NLN: variants seen among roughly 807,000 people sequenced by gnomAD.
NLN encodes neurolysin, mitochondrial.
NLN carries 64 observed loss-of-function variants against 79.9 expected under a neutral mutation model. The ratio of observed to expected loss-of-function variants is 0.80; its 90% confidence interval spans 0.65 to 0.99. NLN has a LOEUF of 0.99. NLN is among the 50% of genes least tolerant of loss of function. The probability of loss-of-function intolerance (pLI) is 0.00; values close to 1 mark genes in which losing one functional copy is unlikely to be tolerated. For missense variants in NLN, 835 were observed against 858.7 expected (o/e 0.97, Z 0.34); for synonymous variants, 267 against 296.6 (o/e 0.90, Z 1.02).
intron 12 of NLN, chr5:65,819,011 C>T (rs1760734425): frequency 6.6e-6 from 1 of 152,156 alleles, no homozygotes; most frequent in African/African-American, 2.4e-5. Flanking sequence ...TAAAATATTA[C>T]CTGAAAGGGT....
At position 65,823,628 on chromosome 5, in the gene NLN, AG is replaced by A. The variant is rs1457213960; in HGVS notation, c.*714del. The A allele has an allele frequency of 2.6e-4, 39 of 152,182 alleles. No individual in the cohort carries two copies. Among genetic ancestry groups the A allele is most frequent in the African/African-American group, 9.4e-4 (39 of 41,444 alleles). The allele number at this position is 152,182 out of a possible 1,614,324, so 9.4% of individuals were successfully genotyped here. A position where few individuals can be genotyped will look rare whatever the true frequency, so the allele number is the denominator to read the frequency against. ...TGTATCTTGTATTAGAGGATTTCGT[AG>A]CTTTTATTAGAGGCTCATTTCCACC... is the stretch of plus-strand genomic sequence containing the variant. On this transcript the variant is annotated 3_prime_UTR_variant, in exon 13 of 13. Coordinates refer to ENST00000380985, the MANE Select transcript of NLN (RefSeq NM_020726.5).
chr5:65,784,939 G>A (rs1461875129), intron 6 of NLN, among the ~76,000 whole-genome samples: 1 of 152,040 alleles, frequency 6.6e-6, no homozygotes, highest in Admixed American at 6.6e-5. Flanking sequence ...TTGTCTTTTT[G>A]TATCTGGCTT....
At chr5:65,791,417 G>A (rs1189183767) in intron 8 of NLN, among the ~76,000 whole-genome samples, 1 of 152,146 alleles carries the variant, frequency 6.6e-6, no homozygotes, top group African/African-American at 2.4e-5. Flanking sequence ...AATTAGCTGG[G>A]TGTGGTGGCA....
At position 65,828,068 on chromosome 5, in the gene NLN, T is replaced by G. The variant is rs1311125541; in HGVS notation, c.*5153T>G. ...AAAATATTTCAATGTGGAGACAAGC[T>G]CAAAATGAAATTAGACACATTCCAT... On this transcript the variant is annotated 3_prime_UTR_variant, in exon 13 of 13. Transcript: ENST00000380985. The G allele has an allele frequency of 6.6e-6, 1 of 152,150 alleles. No individual in the cohort carries two copies. The highest frequency in any genetic ancestry group is 1.5e-5 in the Non-Finnish European group (1 of 68,038). The allele number at this position is 152,150 out of a possible 1,614,324, so 9.4% of individuals were successfully genotyped here. A position where few individuals can be genotyped will look rare whatever the true frequency, so the allele number is the denominator to read the frequency against.
At chr5:65,730,203 T>A (rs921070175) in intron 1 of NLN, among the ~76,000 whole-genome samples, 1 of 152,156 alleles carries the variant, frequency 6.6e-6, no homozygotes, top group African/African-American at 2.4e-5. Flanking sequence ...GTAAGTTAGA[T>A]GGGAAAATGT....
intron 12 of NLN, among the ~76,000 whole-genome samples, chr5:65,814,510 A>G (rs756270732): frequency 4.6e-5 from 7 of 152,162 alleles, no homozygotes; most frequent in Non-Finnish European, 7.3e-5. Context: ...ACATAACTGC[A>G]TGTTCAAGAA....
chr5:65,771,962 A>AT (rs1262212456), intron 3 of NLN, among the ~76,000 whole-genome samples: 3 of 112,022 alleles, frequency 2.7e-5, no homozygotes, highest in Non-Finnish European at 5.9e-5. Flanking sequence ...TAAAACAATG[A>AT]CAAAAAAAAA....
chr5:65,738,011 C>T (rs1354977370), intron 1 of NLN, among the ~76,000 whole-genome samples: 6 of 151,880 alleles, frequency 4.0e-5, no homozygotes, highest in Non-Finnish European at 8.8e-5. Flanking sequence ...GCCTGTAGTC[C>T]CAGCTACTTG....
chr5:65,809,594 TG>T lies in NLN; in HGVS notation c.1608del (p.Trp537GlyfsTer38). 1 of 1,613,942 alleles carries T rather than the reference TG, an allele frequency of 6.2e-7. No individual in the cohort carries two copies. The highest frequency in any genetic ancestry group is 8.5e-7 in the Non-Finnish European group (1 of 1,179,928). On this transcript the variant is annotated frameshift_variant, in exon 10 of 13. Transcript: ENST00000380985. LOFTEE classifies it high-confidence loss of function. ...EVPSQMLENWVWDVDSLRRLS... is the reference protein window; with the variant it reads ...EVPSQMLENWXWDVDSLRRLS... Reference sequence around the variant, plus strand: ...CCATCGCAAATGCTTGAAAATTGGGTGTGGGACGTCGATTCCCTCCGAAGAT... The same window carrying T: ...CCATCGCAAATGCTTGAAAATTGGGTTGGGACGTCGATTCCCTCCGAAGAT...
At chr5:65,725,394 A>T (rs1758446679) in intron 1 of NLN, among the ~76,000 whole-genome samples, 1 of 152,248 alleles carries the variant, frequency 6.6e-6, no homozygotes, top group Non-Finnish European at 1.5e-5. Context: ...CTTGTTTTAC[A>T]CTGTTACATT....
rs10078196 is a variant in NLN, at chr5:65,828,484, A to G, written c.*5569A>G. On this transcript the variant is annotated 3_prime_UTR_variant, in exon 13 of 13. Transcript: ENST00000380985. ...GTCTGGAGATAATTCAGAAATACAGATGATAATTGTTTTCAAATTCTTGAA... is the reference window on the plus strand; with the variant it reads ...GTCTGGAGATAATTCAGAAATACAGGTGATAATTGTTTTCAAATTCTTGAA... 2.0e-4 allele frequency: 30 copies of G among 152,374 alleles called. No homozygotes were observed. The highest frequency in any genetic ancestry group is 2.1e-4 in the Non-Finnish European group (14 of 68,044). 9.4% of individuals were successfully genotyped at this position (152,374 alleles called of 1,614,324 possible). A position where few individuals can be genotyped will look rare whatever the true frequency, so the allele number is the denominator to read the frequency against.
At chr5:65,807,033 C>T (rs1465081700) in intron 9 of NLN, among the ~76,000 whole-genome samples, 1 of 151,830 alleles carries the variant, frequency 6.6e-6, no homozygotes, top group African/African-American at 2.4e-5. Context: ...AAAAAGTAGC[C>T]GGGCATGATG....
At chr5:65,777,200 C>T (rs770870119) in intron 3 of NLN, among the ~76,000 whole-genome samples, 8 of 152,182 alleles carry the variant, frequency 5.3e-5, no homozygotes, top group Admixed American at 2.0e-4. Context: ...TGATTCAAGG[C>T]AAGGAAATTC....
chr5:65,722,675 T>G (rs1579896842), intron 1 of NLN: 1 of 502,028 alleles, frequency 2.0e-6, no homozygotes, highest in Non-Finnish European at 3.5e-6. Flanking sequence ...GCGAGGCTGG[T>G]CACAGACGCG....
intron 9 of NLN, among the ~76,000 whole-genome samples, chr5:65,806,940 G>C (rs939502001): frequency 3.3e-5 from 5 of 152,146 alleles, no homozygotes; most frequent in Non-Finnish European, 7.3e-5. Flanking sequence ...ACTCTGGGAG[G>C]CCGAGGTGGG....
chr5:65,793,111 A>G (rs947418193), intron 9 of NLN: 2 of 282,578 alleles, frequency 7.1e-6, no homozygotes, highest in African/African-American at 2.3e-5. Flanking sequence ...TCAAATTAAA[A>G]TCATAGATAA....
At position 65,789,371 on chromosome 5, in the gene NLN, T is replaced by C. The variant is rs56358443; in HGVS notation, c.1325+887T>C. Among the ~76,000 whole-genome samples the C allele has an allele frequency of 6.1e-3, 931 of 152,368 alleles. 7 individuals are homozygous for C. Among genetic ancestry groups the C allele is most frequent in the African/African-American group, 0.021 (866 of 41,590 alleles). ...GTAAGGATTAAATTGGTTGAATACA[T>C]GCAAAGCATTTAGAAGACTGCTCAG... is the stretch of plus-strand genomic sequence containing the variant. On this transcript the variant is annotated intron_variant, in intron 8 of 12. Transcript: ENST00000380985.
intron 11 of NLN, 39 bp from the exon 12 acceptor site, chr5:65,812,215 GT>G (rs768262221): frequency 5.0e-6 from 8 of 1,591,118 alleles, no homozygotes; most frequent in Non-Finnish European, 6.9e-6. Context: ...GATCATTAAC[GT>G]TTGCTATCAC....
At position 65,785,910 on chromosome 5, in the gene NLN, GGTTA is replaced by G; in HGVS notation, c.958+4_958+7del. Reference sequence around the variant, plus strand: ...CACAAGCCGCGTAACAGCCTTTCTAGGTTAGTTCTTTTTTTTTTTTCTATGACTG... The same window carrying G: ...CACAAGCCGCGTAACAGCCTTTCTAGGTTCTTTTTTTTTTTTCTATGACTG... On this transcript the variant is annotated splice_donor_variant and splice_donor_region_variant and intron_variant, in intron 7 of 12. Coordinates refer to ENST00000380985, the MANE Select transcript of NLN (RefSeq NM_020726.5). LOFTEE classifies it high-confidence loss of function. The G allele has an allele frequency of 6.2e-7, 1 of 1,606,554 alleles. No individual in the cohort carries two copies. Among genetic ancestry groups the G allele is most frequent in the South Asian group, 1.1e-5 (1 of 88,236 alleles).
Sources: allele counts gnomAD v4.1 joint callset (sites outside exome capture counted in the v4.1 genomes callset), GRCh38; gene constraint gnomAD v4.1.1; transcripts MANE v1.5; gene names NCBI Gene and HGNC (gene_info 2026-07-23, HGNC 2026-07-21).